The following BRINP1 variants were observed in gnomAD, a reference collection of about 807,000 sequenced individuals.
BRINP1 encodes BMP/retinoic acid-inducible neural-specific protein 1.
In BRINP1, 17 loss-of-function variants were observed where a neutral mutation model predicts 72.9. The observed-to-expected ratio is 0.23, with a 90% CI of 0.16 to 0.35. The LOEUF (loss-of-function observed/expected upper bound fraction) is 0.35. Among genes scored for constraint, BRINP1 ranks in the 10% least tolerant of loss-of-function variants. The probability of loss-of-function intolerance (pLI) is 1.00; values close to 1 mark genes in which losing one functional copy is unlikely to be tolerated. For missense variants in BRINP1, 850 were observed against 1,001.6 expected, an observed-to-expected ratio of 0.85 and a Z score of 2.04; for synonymous variants, 418 against 378.5, an observed-to-expected ratio of 1.10 and a Z score of -1.21.
chr9:119,214,639 C>T (rs1316418351), intron 5 of BRINP1, among the ~76,000 whole-genome samples: 2 of 148,718 alleles, frequency 1.3e-5, no homozygotes, highest in Non-Finnish European at 3.0e-5. Context: ...ACAATATAAT[C>T]AGCAGGTGTA....
At chr9:119,351,391 T>C (rs1270860274) in intron 1 of BRINP1, among the ~76,000 whole-genome samples, 1 of 151,590 alleles carries the variant, frequency 6.6e-6, no homozygotes, top group African/African-American at 2.4e-5. Flanking sequence ...TGAGGTCCTG[T>C]AGAAGAACGT....
At chr9:119,205,987 TTA>T (rs1344792644) in intron 7 of BRINP1, among the ~76,000 whole-genome samples, 1 of 149,052 alleles carries the variant, frequency 6.7e-6, no homozygotes, top group Non-Finnish European at 1.5e-5. Context: ...CCCTCCAAAC[TTA>T]TATGTTAAAG....
intron 7 of BRINP1, among the ~76,000 whole-genome samples, chr9:119,185,336 G>T (rs1160782252): frequency 6.6e-6 from 1 of 152,124 alleles, no homozygotes; most frequent in Non-Finnish European, 1.5e-5. Context: ...TATGCACCTA[G>T]ACAGCGGCTG....
At chr9:119,256,115 C>G (rs1830446168) in intron 2 of BRINP1, among the ~76,000 whole-genome samples, 1 of 152,040 alleles carries the variant, frequency 6.6e-6, no homozygotes. Flanking sequence ...AACCTAGGCT[C>G]TAGGGGTAAA....
intron 4 of BRINP1, among the ~76,000 whole-genome samples, chr9:119,239,248 G>A (rs894210470): frequency 2.0e-5 from 3 of 152,110 alleles, no homozygotes; most frequent in Admixed American, 1.3e-4. Context: ...TCCATAATGG[G>A]TACCTTATTA....
At chr9:119,360,165 T>C (rs1240669047) in intron 1 of BRINP1, among the ~76,000 whole-genome samples, 3 of 152,234 alleles carry the variant, frequency 2.0e-5, no homozygotes, top group Non-Finnish European at 4.4e-5. Context: ...ACTCTGGCAA[T>C]AGCATTTGAT....
chr9:119,172,304 C>T (rs1228614430), intron 7 of BRINP1, among the ~76,000 whole-genome samples: 1 of 151,966 alleles, frequency 6.6e-6, no homozygotes, highest in Non-Finnish European at 1.5e-5. Context: ...GGGATATCAC[C>T]ACCAATCCCA....
At chr9:119,198,440 A>G (rs188096684) in intron 7 of BRINP1, among the ~76,000 whole-genome samples, 6 of 152,304 alleles carry the variant, frequency 3.9e-5, no homozygotes, top group Admixed American at 2.6e-4. Context: ...GCCAAGTACT[A>G]TCAATAGTAA....
At chr9:119,253,561 G>A (rs1472975327) in intron 2 of BRINP1, among the ~76,000 whole-genome samples, 3 of 152,140 alleles carry the variant, frequency 2.0e-5, no homozygotes, top group African/African-American at 4.8e-5. Context: ...AATGGACCTC[G>A]TGAAGATAGA....
At chr9:119,274,717 C>T (rs1333930966) in intron 2 of BRINP1, among the ~76,000 whole-genome samples, 1 of 152,098 alleles carries the variant, frequency 6.6e-6, no homozygotes. Flanking sequence ...CAGTCTCACA[C>T]CCATTCTAAA....
chr9:119,276,196 C>T (rs1481320193), intron 2 of BRINP1, among the ~76,000 whole-genome samples: 2 of 152,098 alleles, frequency 1.3e-5, no homozygotes, highest in Non-Finnish European at 2.9e-5. Flanking sequence ...GTATTTAATA[C>T]ATCCAAAACA....
At chr9:119,261,891 CCT>C (rs139481460) in intron 2 of BRINP1, among the ~76,000 whole-genome samples, 32 of 148,200 alleles carry the variant, frequency 2.2e-4, no homozygotes, top group African/African-American at 5.2e-4. Flanking sequence ...TTCTTCTCTT[CCT>C]CTCTCTCTCT....
At chr9:119,224,184 A>G (rs2118888612) in intron 5 of BRINP1, among the ~76,000 whole-genome samples, 1 of 152,198 alleles carries the variant, frequency 6.6e-6, no homozygotes, top group South Asian at 2.1e-4. Context: ...CACTAGAAAA[A>G]GATTTATAAA....
Position 119,167,782 on chromosome 9 carries a change from T to C in BRINP1, c.1588A>G (p.Ser530Gly), listed in dbSNP as rs1829337226. The change falls in exon 8 of 8, where the codon AGC becomes GGC. Residue 530 changes from serine to glycine, a missense_variant. Ser to Gly is a moderately conservative substitution (Grantham distance 56). Transcript: ENST00000265922. This position sits in a 1 kb window ranked among gnomAD's most constrained non-coding sequence, Gnocchi z 4.3. ...ATGAAGTCCATGCGGTTCTTGTTGC[T>C]CTTGAGAGTGAGGGACATGCGCTTG... The part of the protein sequence containing the change: ...WRKRMSLTLK[S>G]NKNRMDFIHM... The C allele has an allele frequency of 3.1e-6, 5 of 1,613,846 alleles. No individual in the cohort carries two copies. The East Asian group carries it at 8.9e-5, about 29-fold the overall frequency.
intron 2 of BRINP1, among the ~76,000 whole-genome samples, chr9:119,270,946 A>G (rs966060416): frequency 6.6e-6 from 1 of 152,218 alleles, no homozygotes; most frequent in African/African-American, 2.4e-5. Flanking sequence ...CTTACAGTCT[A>G]GCAGGAAAAT....
chr9:119,217,485 A>C (rs186809937), intron 5 of BRINP1, among the ~76,000 whole-genome samples: 1 of 152,340 alleles, frequency 6.6e-6, no homozygotes, highest in African/African-American at 2.4e-5. Flanking sequence ...ACATCAACTC[A>C]CCCACACTGA....
chr9:119,268,008 C>T (rs1036627802), intron 2 of BRINP1, among the ~76,000 whole-genome samples: 1 of 151,990 alleles, frequency 6.6e-6, no homozygotes, highest in Admixed American at 6.6e-5. Flanking sequence ...TTTGGGAGGC[C>T]GAGACAGGTG....
At chr9:119,265,203 C>G (rs1420707869) in intron 2 of BRINP1, among the ~76,000 whole-genome samples, 3 of 152,176 alleles carry the variant, frequency 2.0e-5, no homozygotes, top group African/African-American at 7.2e-5. Context: ...AAATTGCCCA[C>G]TTACTTCTCT....
intron 5 of BRINP1, among the ~76,000 whole-genome samples, chr9:119,220,568 C>T (rs1830030097): frequency 6.6e-6 from 1 of 152,026 alleles, no homozygotes; most frequent in Non-Finnish European, 1.5e-5. Flanking sequence ...ATGCATGCTT[C>T]CCACCTCCTA....
Sources: gnomAD v4.1 joint callset for allele counts (sites outside exome capture counted in the v4.1 genomes callset) on GRCh38, gnomAD v4.1.1 for gene constraint, Gnocchi (gnomAD v3.1) non-coding constraint, MANE v1.5 for transcripts, NCBI Gene and HGNC (gene_info 2026-07-23, HGNC 2026-07-21) for gene names.